Variants in SOX5 observed in about 807,000 individuals in gnomAD.
SOX5 encodes transcription factor SOX-5.
SOX5 carries 9 observed loss-of-function variants against 92.0 expected under a neutral mutation model. That is an observed-to-expected ratio of 0.10 (90% CI 0.06 to 0.17). SOX5 has a LOEUF of 0.17. SOX5 is among the 10% of genes least tolerant of loss of function. SOX5 has a pLI of 1.00. For synonymous variants in SOX5, 344 were observed against 336.3 expected, an observed-to-expected ratio of 1.02 and a Z score of -0.25; for missense variants, 642 against 944.5, an observed-to-expected ratio of 0.68 and a Z score of 4.20.
intron 8 of SOX5, among the ~76,000 whole-genome samples, chr12:23,609,837 C>T (rs1427006297): frequency 6.6e-6 from 1 of 152,128 alleles, no homozygotes; most frequent in African/African-American, 2.4e-5. Context: ...TCTCCACCAC[C>T]ACCAACATAA....
At chr12:24,186,903 T>C (rs1956071063) in intron 4 of SOX5, among the ~76,000 whole-genome samples, 2 of 149,652 alleles carry the variant, frequency 1.3e-5, no homozygotes, top group African/African-American at 4.9e-5. Flanking sequence ...GAACACAAAA[T>C]GCTTTTGTAA....
intron 1 of SOX5, among the ~76,000 whole-genome samples, chr12:24,514,570 T>C (rs925573184): frequency 6.6e-6 from 1 of 152,190 alleles, no homozygotes; most frequent in Non-Finnish European, 1.5e-5. Context: ...CCCAAAGCAG[T>C]ATAAATTGTT....
chr12:23,822,823 T>A (rs899000456), intron 3 of SOX5, among the ~76,000 whole-genome samples: 1 of 152,250 alleles, frequency 6.6e-6, no homozygotes, highest in East Asian at 1.9e-4. Context: ...TGGGTGCACA[T>A]ACATTTAGAA....
At chr12:23,666,768 C>G (rs551896438) in intron 6 of SOX5, among the ~76,000 whole-genome samples, 3 of 152,056 alleles carry the variant, frequency 2.0e-5, no homozygotes, top group East Asian at 1.9e-4. Flanking sequence ...ATCTATGAAG[C>G]CTTGATTATA....
At chr12:23,594,120 C>CAGTG (rs1951993206) in intron 9 of SOX5, among the ~76,000 whole-genome samples, 1 of 151,972 alleles carries the variant, frequency 6.6e-6, no homozygotes, top group African/African-American at 2.4e-5. Context: ...TAACTTGCTT[C>CAGTG]ACATAGGTGG....
intron 1 of SOX5, among the ~76,000 whole-genome samples, chr12:24,425,438 C>A (rs971072277): frequency 3.3e-5 from 5 of 152,162 alleles, no homozygotes; most frequent in South Asian, 2.1e-4. Flanking sequence ...ACAAGCTCAC[C>A]ACTGCATACC....
At chr12:23,950,899 C>G (rs1945516397), upstream of SOX5, 2 of 1,534,542 alleles carry the variant, frequency 1.3e-6, no homozygotes, top group Admixed American at 3.9e-5. Flanking sequence ...GGTGGCTGCC[C>G]CGTGCACCGC....
At chr12:24,260,345 C>T (rs751993964) in intron 3 of SOX5, among the ~76,000 whole-genome samples, 27 of 152,142 alleles carry the variant, frequency 1.8e-4, no homozygotes, top group Non-Finnish European at 1.6e-4. Flanking sequence ...AGGTAAATTA[C>T]TTGACCTTCC....
At chr12:24,021,398 C>T (rs1232373685) in intron 4 of SOX5, among the ~76,000 whole-genome samples, 2 of 152,064 alleles carry the variant, frequency 1.3e-5, no homozygotes, top group African/African-American at 4.8e-5. Context: ...GAATGGCCGA[C>T]TCTGATTAGC....
chr12:24,414,089 T>C (rs942031002), intron 1 of SOX5, among the ~76,000 whole-genome samples: 1 of 152,214 alleles, frequency 6.6e-6, no homozygotes, highest in Admixed American at 6.5e-5. Flanking sequence ...CATCTCCCAT[T>C]TATATTCACA....
intron 2 of SOX5, among the ~76,000 whole-genome samples, chr12:23,892,879 A>G (rs562447291): frequency 1.3e-5 from 2 of 152,302 alleles, no homozygotes; most frequent in African/African-American, 2.4e-5. Context: ...AAAATTCTCA[A>G]TTCGTTTTTA....
At chr12:24,111,206 AACC>A (rs892392750) in intron 4 of SOX5, among the ~76,000 whole-genome samples, 2 of 152,194 alleles carry the variant, frequency 1.3e-5, no homozygotes, top group Non-Finnish European at 2.9e-5. Context: ...GCTCTAAGCA[AACC>A]ACATTTCTAA....
rs1939081131 is a variant in SOX5 at position 23,531,528 on chromosome 12, A to C, written c.*2691T>G. On this transcript the variant is annotated 3_prime_UTR_variant, in exon 15 of 15. Transcript: ENST00000451604. ...CATCTTTCATAACATGGTGTAAAGT[A>C]AGTATCCAGCAAACGTGAGAGGTGA... is the stretch of plus-strand genomic sequence containing the variant. The C allele has an allele frequency of 6.6e-6, 1 of 151,940 alleles. No homozygotes were observed. The highest frequency in any genetic ancestry group is 1.5e-5 in the Non-Finnish European group (1 of 67,998). The allele number at this position is 151,940 out of a possible 1,614,324, so 9.4% of individuals were successfully genotyped here.
chr12:23,682,771 A>T (rs1203393313), intron 6 of SOX5, among the ~76,000 whole-genome samples: 1 of 151,884 alleles, frequency 6.6e-6, no homozygotes, highest in Non-Finnish European at 1.5e-5. Context: ...ACATACATGT[A>T]TAAAAATGTT....
chr12:23,783,966 C>T (rs1463691115), intron 3 of SOX5, among the ~76,000 whole-genome samples: 1 of 152,190 alleles, frequency 6.6e-6, no homozygotes. Flanking sequence ...AAAACAACAA[C>T]TAAACATTTG....
At chr12:24,108,460 A>C (rs1946940588) in intron 4 of SOX5, among the ~76,000 whole-genome samples, 1 of 152,104 alleles carries the variant, frequency 6.6e-6, no homozygotes, top group Non-Finnish European at 1.5e-5. Flanking sequence ...GAATGATGTG[A>C]TTTATCATTG....
Position 24,299,789 on chromosome 12 carries a change from C to G in SOX5, c.-173-22477G>C, listed in dbSNP as rs547336041. ...AACGAAGTGATCCGAAGCTCTGCAT[C>G]AAACAAAGGCTTATTTCTAGTGGCA... On this transcript the variant is annotated intron_variant, in intron 2 of 4. Coordinates refer to the SOX5 transcript ENST00000446891. 5.3e-5 allele frequency among the ~76,000 whole-genome samples: 8 copies of G among 150,498 alleles called. No homozygotes were observed. The South Asian group carries it at 1.7e-3, about 31-fold the overall frequency.
At chr12:23,979,055 A>G (rs1395135260) in intron 4 of SOX5, among the ~76,000 whole-genome samples, 2 of 152,198 alleles carry the variant, frequency 1.3e-5, no homozygotes, top group Non-Finnish European at 2.9e-5. Flanking sequence ...AATGTGATAA[A>G]TAGTAAACCT....
intron 6 of SOX5, among the ~76,000 whole-genome samples, chr12:23,667,776 T>A (rs2084060051): frequency 1.3e-5 from 2 of 152,196 alleles, no homozygotes; most frequent in Admixed American, 1.3e-4. Context: ...TTGGTTTTTA[T>A]TAGACCATCA....
Sources: allele counts gnomAD v4.1 joint callset (sites outside exome capture counted in the v4.1 genomes callset), GRCh38; gene constraint gnomAD v4.1.1; transcripts MANE v1.5; gene names NCBI Gene and HGNC (gene_info 2026-07-23, HGNC 2026-07-21).